The following CREBRF variants were observed in gnomAD, a reference collection of about 807,000 sequenced individuals.
CREBRF encodes CREB3 regulatory factor.
In CREBRF, 5 loss-of-function variants were observed where a neutral mutation model predicts 66.1. That is an observed-to-expected ratio of 0.08 (90% CI 0.04 to 0.16). The LOEUF is 0.16. CREBRF is among the 10% of genes least tolerant of loss of function. CREBRF has a pLI of 1.00. For synonymous variants in CREBRF, 229 were observed against 264.4 expected (o/e 0.87, Z 1.30); for missense variants, 531 against 744.9 (o/e 0.71, Z 3.34).
intron 1 of CREBRF, among the ~76,000 whole-genome samples, chr5:173,059,123 T>G (rs1757178773): frequency 6.6e-6 from 1 of 151,956 alleles, no homozygotes; most frequent in Non-Finnish European, 1.5e-5. Context: ...TGTAGTACTT[T>G]GGCATGACTG....
At chr5:173,078,835 C>G (rs1471468212) in intron 1 of CREBRF, among the ~76,000 whole-genome samples, 2 of 152,084 alleles carry the variant, frequency 1.3e-5, no homozygotes, top group Non-Finnish European at 2.9e-5. Flanking sequence ...GACCCTATTG[C>G]TAGTAAGGTT....
chr5:173,108,934 G>A (rs1188924059), intron 5 of CREBRF, 116 bp downstream of exon 5: 1 of 858,018 alleles, frequency 1.2e-6, no homozygotes, highest in African/African-American at 1.7e-5. Flanking sequence ...ACTGGAGATG[G>A]GGACTGTAGA....
Position 173,079,035 on chromosome 5 carries a change from T to C in CREBRF, c.-191-1550T>C, listed in dbSNP as rs574808245. On this transcript the variant is annotated intron_variant, in intron 1 of 8. Transcript: ENST00000296953. ...TCAGGGGAGAGAATTAGGGCAATGA[T>C]TATGACTACATACCAGTTGTAGGAC... is the stretch of plus-strand genomic sequence containing the variant. Among the ~76,000 whole-genome samples the C allele has an allele frequency of 9.0e-4, 137 of 152,224 alleles. 1 individual carries two copies. Among genetic ancestry groups the C allele is most frequent in the African/African-American group, 3.1e-3 (129 of 41,550 alleles).
At chr5:173,114,625 AAT>A in intron 7 of CREBRF, among the ~76,000 whole-genome samples, 1 of 152,310 alleles carries the variant, frequency 6.6e-6, no homozygotes, top group East Asian at 1.9e-4. Context: ...TATCATTTTT[AAT>A]ATGTCATGAA....
chr5:173,075,562 G>A (rs1024488509), intron 1 of CREBRF, among the ~76,000 whole-genome samples: 5 of 152,158 alleles, frequency 3.3e-5, no homozygotes, highest in African/African-American at 1.2e-4. Context: ...AAGTATAGCA[G>A]GATGGATAGA....
In CREBRF at chr5:173,086,573, A is replaced by T; in HGVS notation, c.82A>T (p.Met28Leu). Residue 28 changes from methionine to leucine, a missense_variant, in exon 3 of 9, where the codon ATG becomes TTG. Met to Leu is a conservative substitution (Grantham distance 15). Coordinates refer to ENST00000296953, the MANE Select transcript of CREBRF (RefSeq NM_153607.3). Reference sequence around the variant, plus strand: ...CCACACCTTTTCGGAACAAACTCTGATGAGCACAGATCTCTTAGCAAACAG... The same window carrying T: ...CCACACCTTTTCGGAACAAACTCTGTTGAGCACAGATCTCTTAGCAAACAG... Reference protein sequence around the residue: ...RSHTFSEQTLMSTDLLANSSD... With the variant: ...RSHTFSEQTLLSTDLLANSSD... 6.2e-7 allele frequency: 1 copy of T among 1,614,030 alleles called. No homozygotes were observed. Among genetic ancestry groups the T allele is most frequent in the Non-Finnish European group, 8.5e-7 (1 of 1,179,944 alleles).
At chr5:173,124,633 G>GT (rs1174137654) in intron 8 of CREBRF, 1 of 150,128 alleles carries the variant, frequency 6.7e-6, no homozygotes, top group African/African-American at 2.4e-5. Context: ...GTACTTTGCT[G>GT]TTTTTGCTTA....
At chr5:173,082,212 A>G (rs2113711427) in intron 2 of CREBRF, among the ~76,000 whole-genome samples, 1 of 151,524 alleles carries the variant, frequency 6.6e-6, no homozygotes, top group Admixed American at 6.6e-5. Context: ...ACGGGGTTTC[A>G]CCGTGTCAGC....
intron 8 of CREBRF, among the ~76,000 whole-genome samples, chr5:173,132,980 T>TA (rs1220466077): frequency 2.6e-5 from 4 of 152,118 alleles, no homozygotes; most frequent in Non-Finnish European, 5.9e-5. Context: ...TCTTAATACT[T>TA]AAAAAAATGT....
chr5:173,124,781 C>T (rs1045872698), intron 8 of CREBRF, among the ~76,000 whole-genome samples: 3 of 151,924 alleles, frequency 2.0e-5, no homozygotes, highest in African/African-American at 7.2e-5. Flanking sequence ...AGTGTTTGAT[C>T]TGTTCCCTTG....
chr5:173,115,509 G>A (rs941063797), intron 7 of CREBRF, among the ~76,000 whole-genome samples: 4 of 152,212 alleles, frequency 2.6e-5, no homozygotes, highest in African/African-American at 9.6e-5. Context: ...ATATCCTTGA[G>A]TAAGTAGTCT....
chr5:173,088,069 C>G (rs1211298755), intron 3 of CREBRF, among the ~76,000 whole-genome samples: 1 of 151,500 alleles, frequency 6.6e-6, no homozygotes, highest in African/African-American at 2.4e-5. Flanking sequence ...GTGATCCACC[C>G]ACCTCGGAGT....
intron 1 of CREBRF, among the ~76,000 whole-genome samples, chr5:173,068,965 A>G (rs1031117955): frequency 1.3e-5 from 2 of 151,830 alleles, no homozygotes. Context: ...CCAGCTACTC[A>G]GGAGGCTGAG....
At chr5:173,125,881 CAAAA>C (rs930435792) in intron 8 of CREBRF, among the ~76,000 whole-genome samples, 1 of 151,850 alleles carries the variant, frequency 6.6e-6, no homozygotes, top group Non-Finnish European at 1.5e-5. Context: ...CAAAACAAAA[CAAAA>C]AAACATGGCA....
At chr5:173,086,675 T>C (rs192472753) in intron 3 of CREBRF, 49 bp downstream of exon 3, 373 of 1,528,748 alleles carry the variant, frequency 2.4e-4, no homozygotes, top group Admixed American at 1.5e-3. Context: ...GGGGTAAAAG[T>C]TTGTGGGAGA....
intron 4 of CREBRF, among the ~76,000 whole-genome samples, chr5:173,107,184 T>C (rs1193819746): frequency 1.3e-5 from 2 of 152,222 alleles, no homozygotes; most frequent in African/African-American, 4.8e-5. Context: ...GGAGAAAACT[T>C]AGTTCCTCAA....
At chr5:173,130,103 G>A (rs979061882) in intron 8 of CREBRF, among the ~76,000 whole-genome samples, 15 of 152,248 alleles carry the variant, frequency 9.9e-5, no homozygotes, top group East Asian at 1.9e-4. Flanking sequence ...GATTACAGGC[G>A]TGAGCCACCA....
At chr5:173,068,084 A>G (rs888169574) in intron 1 of CREBRF, 2 of 449,016 alleles carry the variant, frequency 4.5e-6, no homozygotes, top group African/African-American at 4.0e-5. Flanking sequence ...GGTCCTTTTT[A>G]CCTTAGTTTT....
At chr5:173,104,723 G>GAA in intron 4 of CREBRF, among the ~76,000 whole-genome samples, 1 of 149,028 alleles carries the variant, frequency 6.7e-6, no homozygotes, top group African/African-American at 2.6e-5. Context: ...GAGAGAGAGA[G>GAA]AGAGAGAGAG....
Sources: gnomAD v4.1 joint callset for allele counts (sites outside exome capture counted in the v4.1 genomes callset) on GRCh38, gnomAD v4.1.1 for gene constraint, MANE v1.5 for transcripts, NCBI Gene and HGNC (gene_info 2026-07-23, HGNC 2026-07-21) for gene names.